Variants in GUCY2C observed in about 807,000 individuals in gnomAD.
The protein encoded by GUCY2C is guanylate cyclase 2C.
Under a neutral mutation model 131.1 loss-of-function variants are expected in GUCY2C, and 118 were observed. The ratio of observed to expected loss-of-function variants is 0.90; its 90% CI spans 0.78 to 1.05. The LOEUF (loss-of-function observed/expected upper bound fraction) is 1.05. Among genes scored for constraint, GUCY2C ranks in the 50% least tolerant of loss-of-function variants. The probability of loss-of-function intolerance (pLI) is 0.00; values close to 1 mark genes in which losing one functional copy is unlikely to be tolerated. For missense variants in GUCY2C, 1,161 were observed against 1,304.4 expected (o/e 0.89, Z 1.69); for synonymous variants, 452 against 457.8 (o/e 0.99, Z 0.16).
intron 10 of GUCY2C, among the ~76,000 whole-genome samples, chr12:14,667,999 CTTTT>C: frequency 1.3e-5 from 1 of 76,508 alleles, no homozygotes; most frequent in Admixed American, 1.7e-4. Flanking sequence ...TAATAATTTT[CTTTT>C]TTTTTTTTTT....
chr12:14,653,631 G>T (rs990468082), intron 12 of GUCY2C, among the ~76,000 whole-genome samples: 1 of 152,202 alleles, frequency 6.6e-6, no homozygotes, highest in Non-Finnish European at 1.5e-5. Flanking sequence ...GGCCACATAT[G>T]GCTCTTGGCC....
chr12:14,653,264 T>C (rs1947702855), intron 12 of GUCY2C, among the ~76,000 whole-genome samples: 3 of 152,240 alleles, frequency 2.0e-5, no homozygotes, highest in African/African-American at 7.2e-5. Context: ...CTTGTGGCCC[T>C]ACTTCAACCA....
At chr12:14,669,867 C>T in intron 9 of GUCY2C, 34 bp from the exon 10 acceptor site, 1 of 838,570 alleles carries the variant, frequency 1.2e-6, no homozygotes, top group Non-Finnish European at 2.0e-6. Flanking sequence ...AAAGGATGAA[C>T]AGTAAAACAT....
intron 19 of GUCY2C, among the ~76,000 whole-genome samples, chr12:14,629,445 T>C (rs920865204): frequency 1.3e-5 from 2 of 152,214 alleles, no homozygotes; most frequent in African/African-American, 4.8e-5. Flanking sequence ...CAGACCTTAG[T>C]TGTAGATTAA....
rs768684967 is a variant in GUCY2C at position 14,686,186 on chromosome 12, A to G, written c.370T>C (p.Cys124Arg). The change falls in exon 3 of 27, where the codon TGT becomes CGT. Residue 124 changes from cysteine (C) to arginine (R), a missense_variant. Transcript: ENST00000261170. Reference sequence around the variant, plus strand: ...TACATCTGGAAGGTGGAGTATGTACATGAGGGCCCTATGAGGACACAGCCC... The same window carrying G: ...TACATCTGGAAGGTGGAGTATGTACGTGAGGGCCCTATGAGGACACAGCCC... The part of the protein sequence containing the change: ...RMGCVLIGPS[C>R]TYSTFQMYLD... The G allele has an allele frequency of 6.2e-7, 1 of 1,606,974 alleles. No individual in the cohort carries two copies. The highest frequency in any genetic ancestry group is 8.5e-7 in the Non-Finnish European group (1 of 1,173,526).
intron 18 of GUCY2C, among the ~76,000 whole-genome samples, chr12:14,640,518 C>T (rs760622080): frequency 2.0e-5 from 3 of 151,852 alleles, no homozygotes; most frequent in Non-Finnish European, 2.9e-5. Flanking sequence ...ATGCTACTGT[C>T]GCTGTAAAAC....
At chr12:14,622,251 T>TTTCACATA in intron 21 of GUCY2C, 54 bp from the exon 22 acceptor site, 1 of 1,173,660 alleles carries the variant, frequency 8.5e-7, no homozygotes, top group Non-Finnish European at 1.2e-6. Context: ...TTTCTTCTTG[T>TTTCACATA]TTCACATAAA....
rs757846893 is a variant in GUCY2C, at chr12:14,672,729, G to A, written c.1170+144C>T. 145 of 612,348 alleles carry A rather than the reference G, an allele frequency of 2.4e-4. 2 individuals carry two copies. The highest frequency in any genetic ancestry group is 3.7e-4 in the Non-Finnish European group (124 of 336,696). 37.9% of individuals were successfully genotyped at this position (612,348 alleles called of 1,614,324 possible). ...ATGCTTAAGGAATACTACCCTAAGTGGGGCGTAATTGTGAAGTTGAAATGA... is the reference window on the plus strand; with the variant it reads ...ATGCTTAAGGAATACTACCCTAAGTAGGGCGTAATTGTGAAGTTGAAATGA... On this transcript the variant is annotated intron_variant, in intron 9 of 26. Coordinates refer to ENST00000261170, the MANE Select transcript of GUCY2C (RefSeq NM_004963.4).
intron 3 of GUCY2C, among the ~76,000 whole-genome samples, chr12:14,685,778 C>T (rs561991336): frequency 2.0e-5 from 3 of 152,252 alleles, no homozygotes; most frequent in African/African-American, 7.2e-5. Context: ...TAGAACAGAA[C>T]CCTACTAGTA....
At chr12:14,630,536 C>A (rs1565609389) in intron 19 of GUCY2C, among the ~76,000 whole-genome samples, 3 of 152,096 alleles carry the variant, frequency 2.0e-5, no homozygotes. Context: ...TACAGTACCA[C>A]AAATATTTAC....
At chr12:14,695,253 T>C (rs1023602686) in intron 1 of GUCY2C, among the ~76,000 whole-genome samples, 2 of 152,186 alleles carry the variant, frequency 1.3e-5, no homozygotes, top group Non-Finnish European at 2.9e-5. Context: ...CTGGGAATCA[T>C]GGCTGCTTTT....
chr12:14,625,785 C>T lies in GUCY2C; in HGVS notation c.2380G>A (p.Asp794Asn). 6.2e-7 allele frequency: 1 copy of T among 1,614,048 alleles called. No individual in the cohort carries two copies. The highest frequency in any genetic ancestry group is 8.5e-7 in the Non-Finnish European group (1 of 1,179,930). ...GGAAGCAACATAAAGTTAAGTCTGTCAGCCCTGTCCCTCTCTGCCTTGTAC... is the reference window on the plus strand; with the variant it reads ...GGAAGCAACATAAAGTTAAGTCTGTTAGCCCTGTCCCTCTCTGCCTTGTAC... The part of the protein sequence containing the change: ...QLYKAERDRA[D>N]RLNFMLLPRL... The change falls in exon 21 of 27, where the codon GAC becomes AAC. Residue 794 changes from aspartate to asparagine, a missense_variant. Physicochemically the swap from Asp to Asn is conservative, Grantham distance 23. Coordinates refer to ENST00000261170, the MANE Select transcript of GUCY2C (RefSeq NM_004963.4).
At position 14,643,675 on chromosome 12, in the gene GUCY2C, T is replaced by A; in HGVS notation, c.1829A>T (p.Glu610Val). The A allele has an allele frequency of 2.5e-6, 4 of 1,613,166 alleles. No homozygotes were observed. Among genetic ancestry groups the A allele is most frequent in the Non-Finnish European group, 3.4e-6 (4 of 1,179,094 alleles). ...GMSYLHSSKT[E>V]VHGRLKSTNC... The stretch of plus-strand genomic sequence containing the variant: ...GGTAGATTTCAGACGACCATGGACT[T>A]CTGTCTTACTGGAGTGCAGATATGA... Residue 610 changes from glutamate to valine, a missense_variant, in exon 17 of 27, where the codon GAA (glutamate) becomes GTA (valine). By Grantham distance (121) the Glu-to-Val change is moderately radical. Coordinates refer to ENST00000261170, the MANE Select transcript of GUCY2C (RefSeq NM_004963.4).
intron 26 of GUCY2C, among the ~76,000 whole-genome samples, chr12:14,614,220 G>A (rs73312004): frequency 0.053 from 8,008 of 152,168 alleles, 695 homozygotes; most frequent in African/African-American, 0.18. Flanking sequence ...TTATTGCAGG[G>A]CAATATAGTC....
chr12:14,640,630 G>C (rs1031945243), intron 18 of GUCY2C, among the ~76,000 whole-genome samples: 1 of 152,080 alleles, frequency 6.6e-6, no homozygotes, highest in Non-Finnish European at 1.5e-5. Context: ...AACAGTTAAC[G>C]GTTAGCACGT....
intron 11 of GUCY2C, among the ~76,000 whole-genome samples, chr12:14,659,452 C>G (rs967099435): frequency 6.6e-6 from 1 of 152,172 alleles, no homozygotes; most frequent in African/African-American, 2.4e-5. Flanking sequence ...TGTTTTGTCC[C>G]TGTTTGCCTT....
chr12:14,675,225 A>AAG (rs1948205717), intron 7 of GUCY2C, among the ~76,000 whole-genome samples: 2 of 144,082 alleles, frequency 1.4e-5, no homozygotes, highest in African/African-American at 5.2e-5. Context: ...AAAAAAAAAA[A>AAG]AAAAGAAAAA....
At chr12:14,669,938 A>C in intron 9 of GUCY2C, 105 bp from the exon 10 acceptor site, 1 of 541,482 alleles carries the variant, frequency 1.8e-6, no homozygotes. Context: ...TTCCATAACA[A>C]TTCTCAGTGA....
chr12:14,660,915 A>T, intron 11 of GUCY2C, 66 bp downstream of exon 11: 1 of 977,200 alleles, frequency 1.0e-6, no homozygotes, highest in Non-Finnish European at 1.7e-6. Context: ...CAGACAACAG[A>T]CCTCTCCCAC....
Sources: allele counts gnomAD v4.1 joint callset (sites outside exome capture counted in the v4.1 genomes callset), GRCh38; gene constraint gnomAD v4.1.1; transcripts MANE v1.5; gene names NCBI Gene and HGNC (gene_info 2026-07-23, HGNC 2026-07-21).